Variants in USP38 observed in about 807,000 individuals in gnomAD.
USP38 encodes the protein ubiquitin specific peptidase 38.
Under a neutral mutation model 94.3 loss-of-function variants are expected in USP38, and 49 were observed. That is an observed-to-expected ratio of 0.52 (90% confidence interval 0.41 to 0.66). The LOEUF is 0.66. Among genes scored for constraint, USP38 ranks in the 30% least tolerant of loss-of-function variants. The pLI, the probability that USP38 is intolerant of heterozygous loss-of-function variation, is 0.00. For synonymous variants in USP38, 468 were observed against 463.6 expected, an observed-to-expected ratio of 1.01 and a Z score of -0.12; for missense variants, 1,128 against 1,229.4, an observed-to-expected ratio of 0.92 and a Z score of 1.23.
chr4:143,214,474 C>T lies in USP38; in HGVS notation c.2498C>T (p.Ser833Phe), dbSNP rs775970407. The T allele has an allele frequency of 1.4e-5, 22 of 1,613,350 alleles. No homozygotes were observed. Among genetic ancestry groups the T allele is most frequent in the Non-Finnish European group, 1.9e-5 (22 of 1,179,756 alleles). The change falls in exon 9 of 10, where the codon TCC becomes TTC. Residue 833 changes from serine (S) to phenylalanine (F), a missense_variant. Ser to Phe is a radical substitution (Grantham distance 155). Transcript: ENST00000307017. ...AAGCCTTCAGGGACTGATGAAGCTT[C>T]CTGCACAAAATTGGTGCCCTATCTA... ...KLKPSGTDEA[S>F]CTKLVPYLLS...
chr4:143,214,120 C>T lies in USP38; in HGVS notation c.2144C>T (p.Thr715Ile). 1 of 1,613,206 alleles carries T rather than the reference C, an allele frequency of 6.2e-7. No individual in the cohort carries two copies. Among genetic ancestry groups the T allele is most frequent in the Non-Finnish European group, 8.5e-7 (1 of 1,179,670 alleles). The change falls in exon 9 of 10, where the codon ACA becomes ATA. Residue 715 changes from threonine to isoleucine, a missense_variant. Coordinates refer to ENST00000307017, the MANE Select transcript of USP38 (RefSeq NM_032557.6). ...DVPQKPGGET[T>I]PSVTDLLNYF... is the part of the protein sequence containing the mutation. ...CCTCAGAAACCAGGAGGTGAAACCA[C>T]ACCTTCAGTAACTGACTTACTAAAT...
At position 143,185,376 on chromosome 4, in the gene USP38, G is replaced by C; in HGVS notation, c.-75G>C. 2 of 1,478,452 alleles carry C rather than the reference G, an allele frequency of 1.4e-6. No individual in the cohort carries two copies. Among genetic ancestry groups the C allele is most frequent in the Non-Finnish European group, 1.8e-6 (2 of 1,108,280 alleles). 91.6% of individuals were successfully genotyped at this position (1,478,452 alleles called of 1,614,324 possible). ...CGCTCCAAGTTCATCTCCGCCCCGGGGCTCTCCTGCCCCACCTCGGGGCTG... is the reference window on the plus strand; with the variant it reads ...CGCTCCAAGTTCATCTCCGCCCCGGCGCTCTCCTGCCCCACCTCGGGGCTG... On this transcript the variant is annotated 5_prime_UTR_variant, in exon 1 of 10. Coordinates refer to ENST00000307017, the MANE Select transcript of USP38 (RefSeq NM_032557.6).
chr4:143,187,933 G>T lies in USP38; in HGVS notation c.790G>T (p.Asp264Tyr). ...RSLTTDPNVK[D>Y]ASMTQALCRM... is the part of the protein sequence containing the mutation. ...CCTTACTACGGATCCAAATGTAAAAGATGCAAGTATGACCCAAGCCCTTTG... is the reference window on the plus strand; with the variant it reads ...CCTTACTACGGATCCAAATGTAAAATATGCAAGTATGACCCAAGCCCTTTG... Residue 264 changes from aspartate (D) to tyrosine (Y), a missense_variant, in exon 2 of 10, where the codon GAT (aspartate) becomes TAT (tyrosine). By Grantham distance (160) the Asp-to-Tyr change is radical. Transcript: ENST00000307017. 1 of 1,613,612 alleles carries T rather than the reference G, an allele frequency of 6.2e-7. No individual in the cohort carries two copies. Among genetic ancestry groups the T allele is most frequent in the Non-Finnish European group, 8.5e-7 (1 of 1,179,700 alleles).
intron 4 of USP38, among the ~76,000 whole-genome samples, chr4:143,198,908 A>G (rs1731629303): frequency 6.6e-6 from 1 of 152,204 alleles, no homozygotes; most frequent in Non-Finnish European, 1.5e-5. Context: ...TTCCAAGAAA[A>G]AAAACATCAA....
In USP38 at chr4:143,185,897, CCTT is replaced by C; in HGVS notation, c.450_452del (p.Leu151del). ...CGCAGCTCTGTGCCCGACTGAGCGA[CCTT>C]CTGACCGACTTTGTGCAATGCATCC... On this transcript the variant is annotated inframe_deletion, in exon 1 of 10. Transcript: ENST00000307017. 1 of 1,614,208 alleles carries C rather than the reference CCTT, an allele frequency of 6.2e-7. No homozygotes were observed. The highest frequency in any genetic ancestry group is 8.5e-7 in the Non-Finnish European group (1 of 1,180,036).
At position 143,194,348 on chromosome 4, in the gene USP38, A is replaced by G. The variant is rs575331637; in HGVS notation, c.819-1368A>G. Among the ~76,000 whole-genome samples, 48 of 152,310 alleles carry G rather than the reference A, an allele frequency of 3.2e-4. 1 individual carries two copies. In the South Asian group the frequency reaches 9.3e-3, roughly 30 times the overall value. On this transcript the variant is annotated intron_variant, in intron 2 of 9. Coordinates refer to ENST00000307017, the MANE Select transcript of USP38 (RefSeq NM_032557.6). ...AGGAAACAGAGAGGTTAAATAATCT[A>G]TGTAGGTATTTAGGGTCCCCTAGCT...
At chr4:143,191,001 G>A (rs888199708) in intron 2 of USP38, among the ~76,000 whole-genome samples, 3 of 151,364 alleles carry the variant, frequency 2.0e-5, no homozygotes, top group Admixed American at 6.6e-5. Context: ...TTTTTTCTAC[G>A]GGGAGTTGTG....
intron 1 of USP38, among the ~76,000 whole-genome samples, chr4:143,187,499 C>G (rs1731264233): frequency 6.6e-6 from 1 of 152,100 alleles, no homozygotes; most frequent in African/African-American, 2.4e-5. Context: ...TATTTCCTTT[C>G]TGATTAGTGA....
intron 2 of USP38, among the ~76,000 whole-genome samples, chr4:143,193,287 T>A (rs1731454219): frequency 6.6e-6 from 1 of 152,208 alleles, no homozygotes; most frequent in East Asian, 1.9e-4. Context: ...GATAGATTCA[T>A]GTACATCTAT....
At position 143,222,640 on chromosome 4, in the gene USP38, C is replaced by T. The variant is rs912708674; in HGVS notation, c.*2184C>T. ...AAGAGTATTCAAATGATAACTCATA[C>T]CAGTACCAAAAACTTGAAGACTTCC... is the stretch of plus-strand genomic sequence containing the variant. On this transcript the variant is annotated 3_prime_UTR_variant, in exon 10 of 10. Transcript: ENST00000307017. The T allele has an allele frequency of 3.3e-5, 5 of 151,996 alleles. No individual in the cohort carries two copies. Among genetic ancestry groups the T allele is most frequent in the African/African-American group, 1.2e-4 (5 of 41,412 alleles). The allele number at this position is 151,996 out of a possible 1,614,324, so 9.4% of individuals were successfully genotyped here.
At chr4:143,215,135 G>A (rs1333193707) in intron 9 of USP38, 192 bp downstream of exon 9, 2 of 604,398 alleles carry the variant, frequency 3.3e-6, no homozygotes, top group East Asian at 2.9e-5. Flanking sequence ...AATGAAAAGT[G>A]GCAATTAGAT....
At chr4:143,189,238 A>G (rs1354582983) in intron 2 of USP38, among the ~76,000 whole-genome samples, 3 of 152,038 alleles carry the variant, frequency 2.0e-5, no homozygotes, top group Non-Finnish European at 4.4e-5. Context: ...TTTCTCTTCA[A>G]AGGTGCTCAT....
intron 6 of USP38, among the ~76,000 whole-genome samples, chr4:143,207,624 G>T (rs1402214724): frequency 1.3e-5 from 2 of 151,068 alleles, no homozygotes; most frequent in African/African-American, 4.9e-5. Flanking sequence ...GGTGTTTTTG[G>T]TTTCATTTAG....
intron 4 of USP38, 120 bp downstream of exon 4, chr4:143,198,044 A>T: frequency 3.3e-6 from 2 of 605,048 alleles, no homozygotes; most frequent in Non-Finnish European, 5.6e-6. Context: ...CTGTTTTCAT[A>T]TAGCTTTATG....
intron 5 of USP38, among the ~76,000 whole-genome samples, 194 bp from the exon 6 acceptor site, chr4:143,205,839 T>C (rs1219216703): frequency 6.6e-6 from 1 of 152,194 alleles, no homozygotes; most frequent in Admixed American, 6.5e-5. Context: ...TATTAGACAA[T>C]ATTTATTTTT....
chr4:143,188,349 G>GT (rs922005967), intron 2 of USP38, among the ~76,000 whole-genome samples: 1 of 151,442 alleles, frequency 6.6e-6, no homozygotes, highest in African/African-American at 2.4e-5. Flanking sequence ...CAGGCTCAAT[G>GT]TGTAATACAC....
Position 143,214,733 on chromosome 4 carries a change from T to C in USP38, c.2757T>C (p.Ser919=), listed in dbSNP as rs781721645. The C allele has an allele frequency of 3.1e-6, 5 of 1,613,790 alleles. No homozygotes were observed. Among genetic ancestry groups the C allele is most frequent in the Non-Finnish European group, 4.2e-6 (5 of 1,179,822 alleles). Residue 919 remains serine, a synonymous_variant, in exon 9 of 10, where the codon AGT becomes AGC. Transcript: ENST00000307017. Reference sequence around the variant, plus strand: ...AAGAATGGTTTTTATTTAATGACAGTAGAGTGACATTTACTTCATTTCAGT... The same window carrying C: ...AAGAATGGTTTTTATTTAATGACAGCAGAGTGACATTTACTTCATTTCAGT... The part of the protein sequence containing the change: ...MSKEWFLFND[S]RVTFTSFQSV...
At chr4:143,197,249 A>T (rs919219333) in intron 3 of USP38, among the ~76,000 whole-genome samples, 1 of 152,202 alleles carries the variant, frequency 6.6e-6, no homozygotes, top group Non-Finnish European at 1.5e-5. Context: ...CAATTCCTTC[A>T]GTTTTACAGT....
chr4:143,199,424 T>G (rs745666031), intron 4 of USP38, among the ~76,000 whole-genome samples: 1 of 152,178 alleles, frequency 6.6e-6, no homozygotes, highest in Non-Finnish European at 1.5e-5. Flanking sequence ...TTTGCTATTG[T>G]GAATAATGCT....
Sources: allele counts gnomAD v4.1 joint callset (sites outside exome capture counted in the v4.1 genomes callset), GRCh38; gene constraint gnomAD v4.1.1; transcripts MANE v1.5; gene names NCBI Gene and HGNC (gene_info 2026-07-23, HGNC 2026-07-21).